Variants in OLFM2 observed in about 807,000 individuals in gnomAD.
OLFM2 encodes noelin-2.
Under a neutral mutation model 43.9 loss-of-function variants are expected in OLFM2, and 20 were observed. The observed-to-expected ratio is 0.46, with a 90% confidence interval of 0.32 to 0.66. The LOEUF (loss-of-function observed/expected upper bound fraction) is 0.66. Ranked by LOEUF, OLFM2 falls within the 30% of genes least tolerant of loss-of-function variation. The probability of loss-of-function intolerance (pLI) is 0.04; values close to 1 mark genes in which losing one functional copy is unlikely to be tolerated. For missense variants in OLFM2, 416 were observed against 643.6 expected, an observed-to-expected ratio of 0.65 and a Z score of 3.83; for synonymous variants, 268 against 278.6, an observed-to-expected ratio of 0.96 and a Z score of 0.38.
chr19:9,859,287 A>G (rs1333855509), intron 2 of OLFM2, among the ~76,000 whole-genome samples: 1 of 151,210 alleles, frequency 6.6e-6, no homozygotes, highest in Non-Finnish European at 1.5e-5. Flanking sequence ...GAAATTCCAG[A>G]AATCAACAAT....
intron 1 of OLFM2, among the ~76,000 whole-genome samples, chr19:9,870,070 A>T (rs1020490164): frequency 3.3e-4 from 50 of 150,040 alleles, no homozygotes; most frequent in South Asian, 2.5e-3. Context: ...TTAAAAAAAA[A>T]TTTTTTTTTT....
At chr19:9,913,940 A>G (rs1257717153) in intron 1 of OLFM2, 2 of 147,414 alleles carry the variant, frequency 1.4e-5, no homozygotes, top group Non-Finnish European at 3.0e-5. Context: ...GGGCGCCCAG[A>G]CTGCCCCCAC....
intron 1 of OLFM2, among the ~76,000 whole-genome samples, chr19:9,904,095 T>C (rs2144981491): frequency 6.6e-6 from 1 of 152,022 alleles, no homozygotes; most frequent in East Asian, 1.9e-4. Context: ...ATCAGACCTG[T>C]CTGAACCACC....
chr19:9,900,336 G>A (rs562685552), intron 1 of OLFM2, among the ~76,000 whole-genome samples: 53 of 152,062 alleles, frequency 3.5e-4, no homozygotes, highest in South Asian at 1.0e-3. Flanking sequence ...AGAAACTGAC[G>A]GAGCTGCATC....
intron 1 of OLFM2, among the ~76,000 whole-genome samples, chr19:9,929,854 A>C (rs1043842358): frequency 3.9e-5 from 6 of 152,072 alleles, no homozygotes; most frequent in Admixed American, 1.3e-4. Context: ...AACCTGACCA[A>C]CATGGAGAAC....
chr19:9,919,174 C>CTCTT (rs1555728844), intron 1 of OLFM2, among the ~76,000 whole-genome samples: 6 of 123,110 alleles, frequency 4.9e-5, no homozygotes, highest in Non-Finnish European at 5.5e-5. Context: ...TCATTTCTCT[C>CTCTT]TCTTTTTTTT....
intron 1 of OLFM2, among the ~76,000 whole-genome samples, chr19:9,905,042 C>T (rs2046773430): frequency 6.6e-6 from 1 of 151,920 alleles, no homozygotes; most frequent in Non-Finnish European, 1.5e-5. Context: ...AAAGTTGAGG[C>T]CAGGCACAGT....
intron 1 of OLFM2, among the ~76,000 whole-genome samples, chr19:9,902,263 C>T (rs567893239): frequency 4.6e-5 from 7 of 152,054 alleles, no homozygotes; most frequent in African/African-American, 1.4e-4. Context: ...CTCCTGACCT[C>T]GTGATTCGCC....
chr19:9,872,799 C>CATTT (rs752313690), intron 1 of OLFM2, among the ~76,000 whole-genome samples: 2,662 of 152,062 alleles, frequency 0.018, 41 homozygotes, highest in Middle Eastern at 0.044. Context: ...TTTACCCATT[C>CATTT]ATTCATTCAT....
At chr19:9,924,282 T>G (rs2086438484) in intron 1 of OLFM2, among the ~76,000 whole-genome samples, 1 of 150,334 alleles carries the variant, frequency 6.7e-6, no homozygotes, top group South Asian at 2.1e-4. Context: ...GGCGGGCGCC[T>G]GTAGTCCCAG....
At chr19:9,921,771 C>T (rs1287527401) in intron 1 of OLFM2, among the ~76,000 whole-genome samples, 1 of 152,092 alleles carries the variant, frequency 6.6e-6, no homozygotes. Context: ...AGGCATGAGC[C>T]ACCACACCCA....
Position 9,907,057 on chromosome 19 carries a change from C to G in OLFM2, c.63+29247G>C, listed in dbSNP as rs528859137. Among the ~76,000 whole-genome samples, 91 of 152,284 alleles carry G rather than the reference C, an allele frequency of 6.0e-4. 1 individual carries two copies. In the East Asian group the frequency reaches 0.017, roughly 28 times the overall value. ...GGGGCAGAGGGGGCAAGGGGTCACC[C>G]GGAGCTTGGGAGCCCACCTCCATCT... On this transcript the variant is annotated intron_variant, in intron 1 of 5. Coordinates refer to ENST00000264833, the MANE Select transcript of OLFM2 (RefSeq NM_058164.4).
intron 1 of OLFM2, among the ~76,000 whole-genome samples, chr19:9,925,888 A>C (rs1290553850): frequency 1.3e-5 from 2 of 151,460 alleles, no homozygotes; most frequent in African/African-American, 2.4e-5. Context: ...TAATCCTAGC[A>C]CTTTGGAAGG....
At chr19:9,872,370 C>T (rs1407803781) in intron 1 of OLFM2, among the ~76,000 whole-genome samples, 1 of 152,050 alleles carries the variant, frequency 6.6e-6, no homozygotes, top group Non-Finnish European at 1.5e-5. Context: ...AATAATTTAG[C>T]CAGGCATGGT....
At chr19:9,929,173 C>A (rs896369147) in intron 1 of OLFM2, among the ~76,000 whole-genome samples, 4 of 152,174 alleles carry the variant, frequency 2.6e-5, no homozygotes, top group African/African-American at 9.7e-5. Flanking sequence ...TTTTTCCCAA[C>A]ACAGCCAGAC....
chr19:9,886,633 T>C (rs2046589397), intron 1 of OLFM2, among the ~76,000 whole-genome samples: 2 of 152,226 alleles, frequency 1.3e-5, no homozygotes. Flanking sequence ...TCCTCGATTC[T>C]GCCCAGTCTG....
chr19:9,878,432 C>T (rs1465452438), intron 1 of OLFM2, among the ~76,000 whole-genome samples: 4 of 133,884 alleles, frequency 3.0e-5, no homozygotes, highest in Admixed American at 8.8e-5. Flanking sequence ...TCTTGTCACC[C>T]GGGCTGGAGT....
At chr19:9,855,910 G>A (rs2145428455) in intron 5 of OLFM2, among the ~76,000 whole-genome samples, 1 of 152,274 alleles carries the variant, frequency 6.6e-6, no homozygotes, top group East Asian at 1.9e-4. Flanking sequence ...AGCCCCTGGG[G>A]AGTCACTGGG....
intron 1 of OLFM2, among the ~76,000 whole-genome samples, chr19:9,862,459 G>T (rs957324169): frequency 1.3e-5 from 2 of 151,828 alleles, no homozygotes; most frequent in Admixed American, 6.6e-5. Context: ...ATCACTGAAG[G>T]TCAGGAGTTT....
Sources: allele counts gnomAD v4.1 joint callset (sites outside exome capture counted in the v4.1 genomes callset), GRCh38; gene constraint gnomAD v4.1.1; transcripts MANE v1.5; gene names NCBI Gene and HGNC (gene_info 2026-07-23, HGNC 2026-07-21).